TRPM3: variants seen among roughly 807,000 people sequenced by gnomAD.
The protein encoded by TRPM3 is long transient receptor potential channel 3.
A neutral mutation model predicts 181.2 loss-of-function variants in TRPM3; 77 were observed. The observed-to-expected ratio is 0.42, with a 90% CI of 0.35 to 0.51. The LOEUF (loss-of-function observed/expected upper bound fraction) is 0.51. TRPM3 is among the 20% of genes least tolerant of loss of function. The pLI is 0.01. For missense variants in TRPM3, 1,759 were observed against 2,196.7 expected (o/e 0.80, Z 3.98); for synonymous variants, 745 against 796.4 (o/e 0.94, Z 1.09).
intron 1 of TRPM3, among the ~76,000 whole-genome samples, chr9:71,153,367 C>G (rs1180571090): frequency 6.6e-6 from 1 of 151,524 alleles, no homozygotes; most frequent in Non-Finnish European, 1.5e-5. Flanking sequence ...TCTCAGCCCA[C>G]TGCAACCTAG....
intron 1 of TRPM3, among the ~76,000 whole-genome samples, chr9:70,917,941 A>G (rs1349882585): frequency 1.3e-5 from 2 of 152,192 alleles, no homozygotes; most frequent in African/African-American, 4.8e-5. Context: ...CTAAAAATAA[A>G]GGGATGGAAA....
chr9:70,967,382 CTCTAAA>C lies in TRPM3; in HGVS notation c.178-102877_178-102872del, dbSNP rs1022794657. Reference sequence around the variant, plus strand: ...TTGAATTTGGATGGTAAGACATAAACTCTAAATATGTTTTTTTTTAAATTTTTTAAA... The same window carrying C: ...TTGAATTTGGATGGTAAGACATAAACTATGTTTTTTTTTAAATTTTTTAAA... On this transcript the variant is annotated intron_variant, in intron 1 of 25. Coordinates refer to ENST00000677713, the MANE Select transcript of TRPM3 (RefSeq NM_001366145.2). 2.8e-5 allele frequency among the ~76,000 whole-genome samples: 4 copies of C among 143,316 alleles called. No homozygotes were observed. In the East Asian group the frequency reaches 6.1e-4, roughly 22 times the overall value. 94.0% of individuals were successfully genotyped at this position (143,316 alleles called of 152,430 possible).
chr9:71,324,073 T>G (rs2089465588), intron 1 of TRPM3, among the ~76,000 whole-genome samples: 2 of 152,172 alleles, frequency 1.3e-5, no homozygotes, highest in African/African-American at 2.4e-5. Context: ...GTGAATTTTC[T>G]CTTCCTTATA....
intron 1 of TRPM3, among the ~76,000 whole-genome samples, chr9:71,112,334 A>T (rs1396578458): frequency 6.6e-6 from 1 of 152,222 alleles, no homozygotes; most frequent in Admixed American, 6.5e-5. Flanking sequence ...CTTTCAGTGT[A>T]TATTATCAAA....
intron 1 of TRPM3, among the ~76,000 whole-genome samples, chr9:71,280,316 T>C (rs1334960657): frequency 6.6e-6 from 1 of 152,128 alleles, no homozygotes; most frequent in Non-Finnish European, 1.5e-5. Flanking sequence ...GGAAGTCTCA[T>C]TATGATTTTG....
intron 1 of TRPM3, among the ~76,000 whole-genome samples, chr9:71,026,358 C>T (rs564139194): frequency 3.9e-5 from 6 of 152,272 alleles, no homozygotes; most frequent in Middle Eastern, 3.4e-3. Flanking sequence ...CCTGGGGGCC[C>T]ACATCATAGC....
intron 22 of TRPM3, among the ~76,000 whole-genome samples, chr9:70,584,235 C>G (rs184794362): frequency 6.6e-6 from 1 of 152,078 alleles, no homozygotes; most frequent in Admixed American, 6.6e-5. Context: ...ATTTTCTTGC[C>G]TTAATTAAAA....
chr9:70,552,944 T>C lies in TRPM3; in HGVS notation c.3474A>G (p.Pro1158=), dbSNP rs565349097. 108 of 1,614,110 alleles carry C rather than the reference T, an allele frequency of 6.7e-5. 1 individual carries two copies. The South Asian group carries it at 1.2e-3, about 17-fold the overall frequency. Residue 1158 remains proline, a synonymous_variant, in exon 24 of 26, where the codon CCA becomes CCG. Transcript: ENST00000677713. ...MTFHERPVLP[P]PLIIFSHMTM... ...TCATGTGGCTGAAGATGATCAGTGGTGGGGGCAGAACTGGCCTTTCATGGA... is the reference window on the plus strand; with the variant it reads ...TCATGTGGCTGAAGATGATCAGTGGCGGGGGCAGAACTGGCCTTTCATGGA...
intron 1 of TRPM3, among the ~76,000 whole-genome samples, chr9:71,109,421 T>G (rs1401410648): frequency 6.6e-6 from 1 of 152,166 alleles, no homozygotes; most frequent in Non-Finnish European, 1.5e-5. Flanking sequence ...TTGAATTCTG[T>G]TAATTTGCAT....
rs1042242719 is a variant in TRPM3, at chr9:71,364,177, C to G, written c.183+82476G>C. On this transcript the variant is annotated intron_variant, in intron 1 of 24. Coordinates refer to the TRPM3 transcript ENST00000357533. ...AGAGCATACGAAAACAAGACTACAACAATAAAAAGAACTGGGCTCTCTCCT... is the reference window on the plus strand; with the variant it reads ...AGAGCATACGAAAACAAGACTACAAGAATAAAAAGAACTGGGCTCTCTCCT... Among the ~76,000 whole-genome samples, 25 of 149,584 alleles carry G rather than the reference C, an allele frequency of 1.7e-4. No individual in the cohort carries two copies. The South Asian group carries it at 5.4e-3, about 32-fold the overall frequency.
At position 71,262,816 on chromosome 9, in the gene TRPM3, C is replaced by T. The variant is rs373025892; in HGVS notation, c.183+183837G>A. On this transcript the variant is annotated intron_variant, in intron 1 of 24. Transcript: ENST00000357533. ...CTTCCTGGGTGAGGCAACGCCCCAG[C>T]CTGCTTCAGCTCACTCTCTGTGGGC... Among the ~76,000 whole-genome samples the T allele has an allele frequency of 5.3e-4, 80 of 152,302 alleles. 1 individual carries two copies. The South Asian group carries it at 0.016, about 30-fold the overall frequency.
intron 1 of TRPM3, among the ~76,000 whole-genome samples, chr9:71,347,000 A>T (rs562493655): frequency 6.6e-6 from 1 of 152,354 alleles, no homozygotes; most frequent in East Asian, 1.9e-4. Context: ...TACGTTAGGA[A>T]ATCTGGTTAT....
chr9:70,589,862 T>C (rs1170578253), intron 22 of TRPM3, among the ~76,000 whole-genome samples: 1 of 152,200 alleles, frequency 6.6e-6, no homozygotes, highest in Non-Finnish European at 1.5e-5. Context: ...GTACACATCC[T>C]CTTCACAGGC....
intron 1 of TRPM3, among the ~76,000 whole-genome samples, chr9:71,411,200 T>G (rs922331660): frequency 6.6e-5 from 10 of 152,236 alleles, no homozygotes; most frequent in East Asian, 3.9e-4. Context: ...CACAAGACAG[T>G]GATGCCGTCT....
At chr9:70,799,980 C>T (rs1445350430) in intron 6 of TRPM3, among the ~76,000 whole-genome samples, 2 of 152,212 alleles carry the variant, frequency 1.3e-5, no homozygotes, top group Non-Finnish European at 2.9e-5. Flanking sequence ...TACTGGGTCT[C>T]TCCAAACTCC....
At chr9:71,083,293 C>A (rs1342514173) in intron 1 of TRPM3, among the ~76,000 whole-genome samples, 1 of 152,060 alleles carries the variant, frequency 6.6e-6, no homozygotes, top group Non-Finnish European at 1.5e-5. Flanking sequence ...CAGACATCAT[C>A]TCGTGAAATG....
At chr9:70,602,106 C>CGTTTTTTTTTTT (rs778037711) in intron 20 of TRPM3, among the ~76,000 whole-genome samples, 1 of 128,204 alleles carries the variant, frequency 7.8e-6, no homozygotes. Flanking sequence ...CAAGGCATTC[C>CGTTTTTTTTTTT]TTTTTTTTTT....
intron 1 of TRPM3, among the ~76,000 whole-genome samples, chr9:71,327,696 C>T (rs2089797362): frequency 6.6e-6 from 1 of 152,202 alleles, no homozygotes; most frequent in East Asian, 1.9e-4. Context: ...AAAGAAGTTT[C>T]CTTCCACTCT....
intron 1 of TRPM3, among the ~76,000 whole-genome samples, chr9:70,907,254 G>A (rs976328194): frequency 6.6e-6 from 1 of 152,158 alleles, no homozygotes; most frequent in Non-Finnish European, 1.5e-5. Context: ...CACCCCATGT[G>A]CATGTTGCAT....
Sources: allele counts gnomAD v4.1 joint callset (sites outside exome capture counted in the v4.1 genomes callset), GRCh38; gene constraint gnomAD v4.1.1; transcripts MANE v1.5; gene names NCBI Gene and HGNC (gene_info 2026-07-23, HGNC 2026-07-21).